PRKD1: variants seen among roughly 807,000 people sequenced by gnomAD.
The protein encoded by PRKD1 is protein kinase D1, also known as serine/threonine-protein kinase D1.
A neutral mutation model predicts 95.9 loss-of-function variants in PRKD1; 63 were observed. The ratio of observed to expected loss-of-function variants is 0.66; its 90% CI spans 0.54 to 0.81. PRKD1 has a LOEUF of 0.81. Ranked by LOEUF, PRKD1 falls within the 30% of genes least tolerant of loss-of-function variation. The pLI, the probability that PRKD1 is intolerant of heterozygous loss-of-function variation, is 0.00. For missense variants in PRKD1, 1,048 were observed against 1,165.3 expected (o/e 0.90, Z 1.47); for synonymous variants, 425 against 423.1 (o/e 1.00, Z -0.05).
intron 1 of PRKD1, among the ~76,000 whole-genome samples, chr14:29,789,482 T>C (rs138677607): frequency 6.6e-6 from 1 of 152,254 alleles, no homozygotes; most frequent in Non-Finnish European, 1.5e-5. Context: ...TGGTATAGTG[T>C]GTTTATAATT....
intron 1 of PRKD1, among the ~76,000 whole-genome samples, chr14:29,821,932 CT>C (rs1454770516): frequency 6.6e-6 from 1 of 152,098 alleles, no homozygotes; most frequent in Non-Finnish European, 1.5e-5. Context: ...CTTTTAAACA[CT>C]TTGCCTTTAT....
At chr14:29,651,315 C>G (rs1881480528) in intron 4 of PRKD1, among the ~76,000 whole-genome samples, 1 of 152,158 alleles carries the variant, frequency 6.6e-6, no homozygotes, top group Non-Finnish European at 1.5e-5. Flanking sequence ...AAAATAGATA[C>G]CACTAAAAAC....
At chr14:29,775,881 T>A (rs563071694) in intron 1 of PRKD1, among the ~76,000 whole-genome samples, 10 of 152,228 alleles carry the variant, frequency 6.6e-5, no homozygotes, top group African/African-American at 2.4e-4. Flanking sequence ...GTAGCCTAAC[T>A]GGGAGGCACC....
chr14:29,927,408 G>A lies in PRKD1; in HGVS notation c.105C>T (p.Pro35=), dbSNP rs200093824. 2.1e-3 allele frequency: 3,114 copies of A among 1,503,708 alleles called. 6 individuals are homozygous for A. The highest frequency in any genetic ancestry group is 2.6e-3 in the Non-Finnish European group (2,966 of 1,128,452). The allele number at this position is 1,503,708 out of a possible 1,614,324, so 93.1% of individuals were successfully genotyped here. A position where few individuals can be genotyped will look rare whatever the true frequency, so the allele number is the denominator to read the frequency against. ...CCGCGACAGGAGCCAAGAACGGCGC[G>A]GGCCCGGGCCCGGACCCTGGGACCA... ...AALVPGSGPG[P]APFLAPVAAP... The change falls in exon 1 of 18, where the codon CCC becomes CCT. Residue 35 remains proline (P), a synonymous_variant. Transcript: ENST00000331968.
chr14:29,761,783 T>C lies in PRKD1; in HGVS notation c.265-36109A>G, dbSNP rs1427123489. ...TGCTCTAACAGTGATGTTCTTTCTTTTTTTTTTTTTTTTTTGAGACGCAAG... is the reference window on the plus strand; with the variant it reads ...TGCTCTAACAGTGATGTTCTTTCTTCTTTTTTTTTTTTTTTGAGACGCAAG... On this transcript the variant is annotated intron_variant, in intron 1 of 17. Coordinates refer to ENST00000331968, the MANE Select transcript of PRKD1 (RefSeq NM_002742.3). Among the ~76,000 whole-genome samples the C allele has an allele frequency of 4.1e-4, 44 of 106,720 alleles. No individual in the cohort carries two copies. In the South Asian group the frequency reaches 0.012, roughly 29 times the overall value. The allele number at this position is 106,720 out of a possible 152,430, so 70.0% of individuals were successfully genotyped here. A position where few individuals can be genotyped will look rare whatever the true frequency, so the allele number is the denominator to read the frequency against.
At chr14:29,851,730 G>C (rs902477673) in intron 1 of PRKD1, among the ~76,000 whole-genome samples, 14 of 152,086 alleles carry the variant, frequency 9.2e-5, no homozygotes, top group African/African-American at 3.1e-4. Context: ...TATCATTACT[G>C]GATCTGTAAA....
At chr14:29,893,628 G>T (rs1256130273) in intron 1 of PRKD1, among the ~76,000 whole-genome samples, 5 of 152,226 alleles carry the variant, frequency 3.3e-5, no homozygotes, top group African/African-American at 1.2e-4. Flanking sequence ...AATATTAAAA[G>T]ATGAGAAACA....
intron 1 of PRKD1, among the ~76,000 whole-genome samples, chr14:29,854,558 T>G (rs577360663): frequency 1.3e-5 from 2 of 152,314 alleles, no homozygotes; most frequent in Admixed American, 1.3e-4. Context: ...GCATAAAAAT[T>G]CAGAAAATCT....
intron 2 of PRKD1, among the ~76,000 whole-genome samples, chr14:29,685,357 C>T (rs1213468202): frequency 2.6e-5 from 4 of 152,136 alleles, no homozygotes; most frequent in South Asian, 2.1e-4. Flanking sequence ...CATTTAAAAG[C>T]GTGTTCCTTT....
At position 29,578,367 on chromosome 14, in the gene PRKD1, A is replaced by G; in HGVS notation, c.2435-7T>C. ...TTGTTGATAAGATCAATGGCTGAAA[A>G]AAATTACCAGTAAAAATAGATGACA... On this transcript the variant is annotated splice_region_variant and splice_polypyrimidine_tract_variant and intron_variant, in intron 16 of 17. Transcript: ENST00000331968. The G allele has an allele frequency of 6.3e-7, 1 of 1,595,678 alleles. No individual in the cohort carries two copies. The highest frequency in any genetic ancestry group is 1.1e-5 in the South Asian group (1 of 89,492).
chr14:29,662,249 A>G (rs1190024103), intron 4 of PRKD1, among the ~76,000 whole-genome samples: 1 of 152,172 alleles, frequency 6.6e-6, no homozygotes, highest in African/African-American at 2.4e-5. Flanking sequence ...CATGACTCTC[A>G]GCAGCTATGC....
chr14:29,638,461 C>T (rs1487090950), intron 6 of PRKD1, 28 bp downstream of exon 6: 2 of 1,610,146 alleles, frequency 1.2e-6, no homozygotes, highest in African/African-American at 1.3e-5. Context: ...GGAAGAAGCA[C>T]AGACATGACA....
chr14:29,884,052 A>G (rs1407061570), intron 1 of PRKD1, among the ~76,000 whole-genome samples: 1 of 152,206 alleles, frequency 6.6e-6, no homozygotes, highest in Non-Finnish European at 1.5e-5. Flanking sequence ...TCAACTCAAA[A>G]GTGATGCTCA....
At chr14:29,748,300 A>G (rs1158862052) in intron 1 of PRKD1, among the ~76,000 whole-genome samples, 1 of 152,224 alleles carries the variant, frequency 6.6e-6, no homozygotes, top group Admixed American at 6.5e-5. Context: ...TTAAATATAA[A>G]TAGCTAAATA....
rs559299212 is a variant in PRKD1 at position 29,876,922 on chromosome 14, C to T, written c.264+50327G>A. Among the ~76,000 whole-genome samples the T allele has an allele frequency of 2.0e-5, 3 of 152,146 alleles. No homozygotes were observed. In the South Asian group the frequency reaches 6.2e-4, roughly 32 times the overall value. On this transcript the variant is annotated intron_variant, in intron 1 of 17. Coordinates refer to ENST00000331968, the MANE Select transcript of PRKD1 (RefSeq NM_002742.3). ...ATCCTAGCACGTTGGGAGGCCGAGG[C>T]AGGAGGATCATTTGAGGCCAGGAGT...
intron 2 of PRKD1, among the ~76,000 whole-genome samples, chr14:29,706,040 T>C (rs1566550912): frequency 2.6e-5 from 4 of 152,124 alleles, no homozygotes; most frequent in Admixed American, 6.6e-5. Context: ...CCAAAGCAGC[T>C]GCACCATTTT....
intron 1 of PRKD1, among the ~76,000 whole-genome samples, chr14:29,744,082 C>T (rs1162536396): frequency 7.2e-5 from 11 of 152,132 alleles, no homozygotes; most frequent in East Asian, 1.9e-4. Context: ...CTTTAAATAT[C>T]GTTTATACTC....
At chr14:29,656,352 G>T in intron 4 of PRKD1, 3 of 1,070,966 alleles carry the variant, frequency 2.8e-6, no homozygotes, top group Non-Finnish European at 4.1e-6. Flanking sequence ...TGAATTTTGA[G>T]CTAAACTCTG....
At chr14:29,756,540 C>A (rs187964299) in intron 1 of PRKD1, among the ~76,000 whole-genome samples, 1 of 152,116 alleles carries the variant, frequency 6.6e-6, no homozygotes, top group South Asian at 2.1e-4. Context: ...CTCTTTGGAA[C>A]GTTAAAGTAA....
Sources: allele counts gnomAD v4.1 joint callset (sites outside exome capture counted in the v4.1 genomes callset), GRCh38; gene constraint gnomAD v4.1.1; transcripts MANE v1.5; gene names NCBI Gene and HGNC (gene_info 2026-07-23, HGNC 2026-07-21).